CNTN5: variants seen among roughly 807,000 people sequenced by gnomAD.
CNTN5 encodes contactin 5.
Under a neutral mutation model 129.1 loss-of-function variants are expected in CNTN5, and 77 were observed. That is an observed-to-expected ratio of 0.60 (90% CI 0.50 to 0.72). The LOEUF is 0.72. Among genes scored for constraint, CNTN5 ranks in the 30% least tolerant of loss-of-function variants. The probability of loss-of-function intolerance (pLI) is 0.00; values close to 1 mark genes in which losing one functional copy is unlikely to be tolerated. For synonymous variants in CNTN5, 509 were observed against 465.6 expected, an observed-to-expected ratio of 1.09 and a Z score of -1.20; for missense variants, 1,478 against 1,328.8, an observed-to-expected ratio of 1.11 and a Z score of -1.75.
At chr11:100,313,028 C>T (rs1268042814) in intron 21 of CNTN5, among the ~76,000 whole-genome samples, 1 of 151,756 alleles carries the variant, frequency 6.6e-6, no homozygotes, top group Non-Finnish European at 1.5e-5. Flanking sequence ...AAGTGAAGCA[C>T]TGGGAAATTA....
chr11:99,427,370 T>TG (rs1943166211), intron 2 of CNTN5, among the ~76,000 whole-genome samples: 1 of 152,090 alleles, frequency 6.6e-6, no homozygotes, highest in Non-Finnish European at 1.5e-5. Context: ...CAAAAACTGA[T>TG]GAAAAACTTG....
intron 3 of CNTN5, among the ~76,000 whole-genome samples, chr11:99,636,349 G>A (rs1951553539): frequency 6.6e-6 from 1 of 150,706 alleles, no homozygotes; most frequent in African/African-American, 2.4e-5. Context: ...GAGCATAGAG[G>A]AAAGTTGTTA....
chr11:100,329,979 A>T (rs1406222217), intron 21 of CNTN5, among the ~76,000 whole-genome samples: 1 of 152,188 alleles, frequency 6.6e-6, no homozygotes, highest in Admixed American at 6.5e-5. Flanking sequence ...CCAAGATGAA[A>T]TCTCTGCATT....
rs935233416 is a variant in CNTN5, at chr11:99,022,212, C to T, written c.-210+942C>T. Among the ~76,000 whole-genome samples, 3 of 151,958 alleles carry T rather than the reference C, an allele frequency of 2.0e-5. No individual in the cohort carries two copies. In the South Asian group the frequency reaches 6.2e-4, roughly 31 times the overall value. ...ATACTTCTACTTTGATTCTCAATTA[C>T]GACTGTGGAAATAAGGATGAAAGAA... On this transcript the variant is annotated intron_variant, in intron 1 of 24. Transcript: ENST00000524871.
intron 3 of CNTN5, among the ~76,000 whole-genome samples, chr11:99,675,212 G>C (rs642986): frequency 0.63 from 95,851 of 151,876 alleles, 31,602 homozygotes; most frequent in Non-Finnish European, 0.74. Context: ...TAGTAGGATA[G>C]TCACTTTAAT....
chr11:99,988,028 G>A (rs568333895), intron 8 of CNTN5, among the ~76,000 whole-genome samples: 3 of 152,282 alleles, frequency 2.0e-5, no homozygotes, highest in African/African-American at 7.2e-5. Context: ...AAATCCCTGT[G>A]ATGAAGCTAT....
chr11:100,270,987 A>G lies in CNTN5; in HGVS notation c.2165-105A>G, dbSNP rs544571894. 6 of 882,074 alleles carry G rather than the reference A, an allele frequency of 6.8e-6. No homozygotes were observed. The African/African-American group carries it at 1.0e-4, about 15-fold the overall frequency. 54.6% of individuals were successfully genotyped at this position (882,074 alleles called of 1,614,324 possible). On this transcript the variant is annotated intron_variant, in intron 17 of 24. Transcript: ENST00000524871. ...CCATGACCACGTGTCGTGAGGAAAT[A>G]TGCATTAGCCTTCTGATTCTGTCAG...
At chr11:99,180,319 G>A (rs965618881) in intron 1 of CNTN5, among the ~76,000 whole-genome samples, 1 of 152,150 alleles carries the variant, frequency 6.6e-6, no homozygotes, top group African/African-American at 2.4e-5. Context: ...CCACCAGACT[G>A]GGAAGCAACA....
chr11:100,308,487 A>G lies in CNTN5; in HGVS notation c.2730+19A>G. 6.2e-6 allele frequency: 10 copies of G among 1,603,148 alleles called. No individual in the cohort carries two copies. Among genetic ancestry groups the G allele is most frequent in the Non-Finnish European group, 8.5e-6 (10 of 1,174,232 alleles). ...ATTTGAGGTATGAACAGAATGATTG[A>G]AAATAAGCCTTATTGTTTCTTCTGA... On this transcript the variant is annotated intron_variant, in intron 21 of 24. Transcript: ENST00000524871.
chr11:99,185,450 C>T (rs1384485745), intron 1 of CNTN5, among the ~76,000 whole-genome samples: 1 of 151,764 alleles, frequency 6.6e-6, no homozygotes, highest in East Asian at 1.9e-4. Context: ...AGACTAATTC[C>T]TTAAAAAATA....
intron 3 of CNTN5, among the ~76,000 whole-genome samples, chr11:99,716,982 T>A (rs1955262734): frequency 6.6e-6 from 1 of 152,060 alleles, no homozygotes; most frequent in Non-Finnish European, 1.5e-5. Flanking sequence ...ATGCTTTCAT[T>A]TTCTTTCTTT....
chr11:99,112,337 T>C (rs1220571043), intron 1 of CNTN5, among the ~76,000 whole-genome samples: 1 of 152,050 alleles, frequency 6.6e-6, no homozygotes, highest in African/African-American at 2.4e-5. Flanking sequence ...TCAAGAAGGT[T>C]ATGTCATAAT....
chr11:99,577,606 A>G (rs375474915), intron 3 of CNTN5, among the ~76,000 whole-genome samples: 2 of 152,248 alleles, frequency 1.3e-5, no homozygotes, highest in East Asian at 3.9e-4. Context: ...TTATTTTTCC[A>G]TTGAGCCCGA....
intron 8 of CNTN5, among the ~76,000 whole-genome samples, chr11:99,983,007 A>G (rs1157155601): frequency 6.6e-6 from 1 of 152,230 alleles, no homozygotes; most frequent in East Asian, 1.9e-4. Context: ...ACAGGTAGCC[A>G]GATAGAAGTT....
At chr11:100,004,647 T>TAAG (rs1451744295) in intron 9 of CNTN5, among the ~76,000 whole-genome samples, 1 of 152,118 alleles carries the variant, frequency 6.6e-6, no homozygotes, top group East Asian at 1.9e-4. Flanking sequence ...GTGAGCAGGC[T>TAAG]AAGAAGAACA....
At chr11:99,784,286 C>G (rs758823241) in intron 3 of CNTN5, among the ~76,000 whole-genome samples, 1 of 152,054 alleles carries the variant, frequency 6.6e-6, no homozygotes, top group Non-Finnish European at 1.5e-5. Flanking sequence ...TCTCCTAATG[C>G]TATCCCTCCC....
rs1208254597 is a variant in CNTN5 at position 99,593,548 on chromosome 11, A to G, written c.55+37279A>G. Among the ~76,000 whole-genome samples, 5 of 152,130 alleles carry G rather than the reference A, an allele frequency of 3.3e-5. No individual in the cohort carries two copies. The East Asian group carries it at 7.7e-4, about 23-fold the overall frequency. ...ATTTTTTCTTTCTCTTATCTTCACT[A>G]TCTTCATCATAGAAAAGTGTTGTGT... is the stretch of plus-strand genomic sequence containing the variant. On this transcript the variant is annotated intron_variant, in intron 3 of 24. Coordinates refer to ENST00000524871, the MANE Select transcript of CNTN5 (RefSeq NM_014361.4).
At chr11:100,312,962 A>C (rs1473222829) in intron 21 of CNTN5, among the ~76,000 whole-genome samples, 2 of 152,106 alleles carry the variant, frequency 1.3e-5, no homozygotes, top group Admixed American at 6.6e-5. Context: ...CTCTGATAAC[A>C]ATACACATAG....
At chr11:99,624,690 C>A (rs1221659572) in intron 3 of CNTN5, among the ~76,000 whole-genome samples, 1 of 152,072 alleles carries the variant, frequency 6.6e-6, no homozygotes. Flanking sequence ...TGGTGAAATC[C>A]ATTCTGAGAA....
Sources: allele counts gnomAD v4.1 joint callset (sites outside exome capture counted in the v4.1 genomes callset), GRCh38; gene constraint gnomAD v4.1.1; transcripts MANE v1.5; gene names NCBI Gene and HGNC (gene_info 2026-07-23, HGNC 2026-07-21).